FAM228A: variants seen among roughly 807,000 people sequenced by gnomAD.
FAM228A encodes the protein protein FAM228A.
Under a neutral mutation model 18.6 loss-of-function variants are expected in FAM228A, and 13 were observed. That is an observed-to-expected ratio of 0.70 (90% CI 0.45 to 1.11). The LOEUF (loss-of-function observed/expected upper bound fraction) is 1.11, where lower values mean the gene tolerates loss of function less well. FAM228A is among the 50% of genes least tolerant of loss of function. The pLI is 0.00. For missense variants in FAM228A, 240 were observed against 242.2 expected (o/e 0.99, Z 0.06); for synonymous variants, 77 against 86.6 (o/e 0.89, Z 0.61).
At chr2:24,188,504 G>A (rs1169947976) in intron 5 of FAM228A, 1 of 985,172 alleles carries the variant, frequency 1.0e-6, no homozygotes, top group East Asian at 1.1e-4. Flanking sequence ...CAAGCACATT[G>A]CTTGACTTGC....
intron 5 of FAM228A, among the ~76,000 whole-genome samples, chr2:24,186,085 G>A (rs1363385282): frequency 6.6e-6 from 1 of 151,988 alleles, no homozygotes; most frequent in Non-Finnish European, 1.5e-5. Context: ...GAGTGCAGTG[G>A]CATAATCTTG....
At chr2:24,178,018 A>G (rs765939359) in intron 3 of FAM228A, 148 bp downstream of exon 3, 27 of 558,298 alleles carry the variant, frequency 4.8e-5, no homozygotes, top group Non-Finnish European at 8.4e-5. Flanking sequence ...TGTTTGTACT[A>G]CATGCATCTG....
intron 3 of FAM228A, chr2:24,179,279 AC>A: frequency 1.6e-6 from 1 of 630,428 alleles, no homozygotes; most frequent in Admixed American, 5.7e-5. Context: ...AATATTATTT[AC>A]AGCACAGACA....
chr2:24,175,230 G>A (rs867015604), intron 1 of FAM228A, 56 bp downstream of exon 1: 7 of 472,138 alleles, frequency 1.5e-5, no homozygotes, highest in Admixed American at 3.6e-5. Context: ...GGAGGGCTGT[G>A]GCAGGGCCAG....
chr2:24,183,561 A>C lies in FAM228A; in HGVS notation c.317A>C (p.Tyr106Ser). 6.2e-7 allele frequency: 1 copy of C among 1,614,086 alleles called. No homozygotes were observed. Among genetic ancestry groups the C allele is most frequent in the Non-Finnish European group, 8.5e-7 (1 of 1,179,950 alleles). ...EKARLHASSP[Y>S]FTFTSHCVIP... ...GCCAGGCTGCATGCCAGCTCGCCCT[A>C]CTTCACTTTCACTTCACACTGTGTG... is the stretch of plus-strand genomic sequence containing the variant. The change falls in exon 5 of 6, where the codon TAC (tyrosine) becomes TCC (serine). Residue 106 changes from tyrosine (Y) to serine (S), a missense_variant. By Grantham distance (144) the Tyr-to-Ser change is moderately radical. Coordinates refer to ENST00000295150, the MANE Select transcript of FAM228A (RefSeq NM_001040710.3).
intron 5 of FAM228A, among the ~76,000 whole-genome samples, chr2:24,187,974 T>A (rs905113148): frequency 6.6e-6 from 1 of 152,198 alleles, no homozygotes; most frequent in Non-Finnish European, 1.5e-5. Flanking sequence ...CTTGAATCTG[T>A]AGGTTGTCTT....
chr2:24,178,674 G>A (rs966995610), intron 3 of FAM228A, among the ~76,000 whole-genome samples: 47 of 152,172 alleles, frequency 3.1e-4, no homozygotes, highest in African/African-American at 1.1e-3. Flanking sequence ...GAGGTAGATG[G>A]GATTACCTCT....
chr2:24,184,377 C>CA (rs66895555), intron 5 of FAM228A, among the ~76,000 whole-genome samples: 2,031 of 108,896 alleles, frequency 0.019, 21 homozygotes, highest in Middle Eastern at 0.036. Context: ...GAGACACTGT[C>CA]AAAAAAAAAA....
chr2:24,176,557 C>T (rs1210246353), intron 2 of FAM228A, among the ~76,000 whole-genome samples: 5 of 152,336 alleles, frequency 3.3e-5, no homozygotes, highest in Non-Finnish European at 7.3e-5. Flanking sequence ...AAGCAAGATC[C>T]TGTTCCTATT....
At chr2:24,175,784 G>C in intron 2 of FAM228A, 1 of 846,492 alleles carries the variant, frequency 1.2e-6, no homozygotes, top group African/African-American at 1.7e-5. Flanking sequence ...GCACCGACGG[G>C]GGCGGGCAGC....
Position 24,177,839 on chromosome 2 carries a change from C to G in FAM228A, c.131C>G (p.Ala44Gly), listed in dbSNP as rs1040729896. ...AREDIDEAVC[A>G]ILFKENSIVK... The stretch of plus-strand genomic sequence containing the variant: ...GAAGACATTGATGAAGCAGTATGTG[C>G]AATATTATTTAAAGAAAATTCCATT... The change falls in exon 3 of 6, where the codon GCA becomes GGA. Residue 44 changes from alanine to glycine, a missense_variant. Coordinates refer to ENST00000295150, the MANE Select transcript of FAM228A (RefSeq NM_001040710.3). The G allele has an allele frequency of 1.2e-5, 19 of 1,601,404 alleles. No individual in the cohort carries two copies. Among genetic ancestry groups the G allele is most frequent in the Admixed American group, 1.7e-5 (1 of 59,416 alleles).
At chr2:24,185,708 G>T (rs1350527801) in intron 5 of FAM228A, among the ~76,000 whole-genome samples, 1 of 152,064 alleles carries the variant, frequency 6.6e-6, no homozygotes, top group Non-Finnish European at 1.5e-5. Flanking sequence ...GTTGTCAGGG[G>T]CATGGGGTTC....
At chr2:24,187,587 C>T (rs1285322043) in intron 5 of FAM228A, among the ~76,000 whole-genome samples, 1 of 152,238 alleles carries the variant, frequency 6.6e-6, no homozygotes, top group Non-Finnish European at 1.5e-5. Flanking sequence ...CCATTCATCT[C>T]TCTTCCCCAC....
At chr2:24,182,080 C>T (rs1667829467) in intron 3 of FAM228A, among the ~76,000 whole-genome samples, 1 of 152,120 alleles carries the variant, frequency 6.6e-6, no homozygotes. Flanking sequence ...CTCCTTTCTA[C>T]TGGAGATACA....
Position 24,175,568 on chromosome 2 carries a change from A to T in FAM228A, c.88A>T (p.Met30Leu). ...EWPEPESVSL[M>L]EVLAREDIDE... ...GCCGGAGCCCGAGTCCGTTTCTTTA[A>T]TGGAGGTGAGATAACGTGGCGTTTT... Residue 30 changes from methionine to leucine, a missense_variant, in exon 2 of 6, where the codon ATG (methionine) becomes TTG (leucine). Physicochemically the swap from Met to Leu is conservative, Grantham distance 15. Transcript: ENST00000295150. 1 of 1,612,876 alleles carries T rather than the reference A, an allele frequency of 6.2e-7. No homozygotes were observed. Among genetic ancestry groups the T allele is most frequent in the Non-Finnish European group, 8.5e-7 (1 of 1,178,816 alleles).
At position 24,177,886 on chromosome 2, in the gene FAM228A, A is replaced by G; in HGVS notation, c.162+16A>G. On this transcript the variant is annotated intron_variant, in intron 3 of 5. Coordinates refer to ENST00000295150, the MANE Select transcript of FAM228A (RefSeq NM_001040710.3). ...CATTGTGAAGGTAAGAGTTGGCTCCACGCTGCATTCTACATATGTTCTAGG... is the reference window on the plus strand; with the variant it reads ...CATTGTGAAGGTAAGAGTTGGCTCCGCGCTGCATTCTACATATGTTCTAGG... The G allele has an allele frequency of 6.4e-7, 1 of 1,558,378 alleles. No homozygotes were observed. Among genetic ancestry groups the G allele is most frequent in the Non-Finnish European group, 8.8e-7 (1 of 1,132,848 alleles).
At chr2:24,181,352 A>T (rs1667811276) in intron 3 of FAM228A, among the ~76,000 whole-genome samples, 1 of 152,246 alleles carries the variant, frequency 6.6e-6, no homozygotes, top group South Asian at 2.1e-4. Context: ...GAAGACCATT[A>T]TAATCCTGAA....
chr2:24,184,891 T>G (rs1667907973), intron 5 of FAM228A, among the ~76,000 whole-genome samples: 1 of 151,760 alleles, frequency 6.6e-6, no homozygotes, highest in Admixed American at 6.6e-5. Flanking sequence ...GGCACAATCT[T>G]GGCTCACTGC....
intron 3 of FAM228A, chr2:24,179,173 TA>T: frequency 9.4e-6 from 11 of 1,176,348 alleles, no homozygotes; most frequent in East Asian, 7.3e-5. Flanking sequence ...AGATGTTACA[TA>T]AAAAATGGGT....
Sources: gnomAD v4.1 joint callset for allele counts (sites outside exome capture counted in the v4.1 genomes callset) on GRCh38, gnomAD v4.1.1 for gene constraint, MANE v1.5 for transcripts, NCBI Gene and HGNC (gene_info 2026-07-23, HGNC 2026-07-21) for gene names.